MYO10: variants seen among roughly 807,000 people sequenced by gnomAD.
MYO10 encodes the protein unconventional myosin-X.
Under a neutral mutation model 257.3 loss-of-function variants are expected in MYO10, and 133 were observed. The ratio of observed to expected loss-of-function variants is 0.52; its 90% confidence interval spans 0.45 to 0.60. MYO10 has a LOEUF of 0.60. Among genes scored for constraint, MYO10 ranks in the 20% least tolerant of loss-of-function variants. The pLI is 0.00. For missense variants in MYO10, 2,399 were observed against 2,635.7 expected (o/e 0.91, Z 1.97); for synonymous variants, 1,104 against 1,028.6 (o/e 1.07, Z -1.40).
Position 16,703,050 on chromosome 5 carries a change from G to C in MYO10, c.2385C>G (p.Phe795Leu). Residue 795 changes from phenylalanine to leucine, a missense_variant, in exon 23 of 41, where the codon TTC becomes TTG. This residue lies in a region of MYO10 where 1,820 missense variants were observed against 1,939.4 expected (regional missense o/e 0.94). Coordinates refer to ENST00000513610, the MANE Select transcript of MYO10 (RefSeq NM_012334.3). ...CAATCTGACCTCTGAGTTGCTTCTG[G>C]AAAACTATGGCTGCCTTTTTCAGGT... Reference protein sequence around the residue: ...FLHLKKAAIVFQKQLRGQIAR... With the variant: ...FLHLKKAAIVLQKQLRGQIAR... The C allele has an allele frequency of 6.4e-7, 1 of 1,556,674 alleles. No individual in the cohort carries two copies. The highest frequency in any genetic ancestry group is 8.7e-7 in the Non-Finnish European group (1 of 1,148,952).
chr5:16,722,988 A>G (rs558954632), intron 19 of MYO10, among the ~76,000 whole-genome samples: 47 of 152,326 alleles, frequency 3.1e-4, no homozygotes, highest in African/African-American at 1.1e-3. Flanking sequence ...TGAAAATCCA[A>G]TTTTTAAAAT....
At chr5:16,893,252 G>A (rs1408335572) in intron 1 of MYO10, among the ~76,000 whole-genome samples, 7 of 145,754 alleles carry the variant, frequency 4.8e-5, no homozygotes, top group Admixed American at 7.1e-5. Context: ...ACAGAAAAGC[G>A]ATAAGGAGGC....
chr5:16,673,309 G>C (rs1736559737), intron 36 of MYO10, among the ~76,000 whole-genome samples: 2 of 151,506 alleles, frequency 1.3e-5, no homozygotes, highest in South Asian at 2.1e-4. Context: ...AAAAGAAAAT[G>C]TGTTCATCTG....
intron 1 of MYO10, among the ~76,000 whole-genome samples, chr5:16,925,981 T>G (rs1243210812): frequency 6.6e-5 from 10 of 152,020 alleles, no homozygotes; most frequent in Admixed American, 6.6e-4. Flanking sequence ...CTCAGTAGAG[T>G]GGCTATGGTT....
At chr5:16,883,321 C>T (rs1461075924) in intron 1 of MYO10, among the ~76,000 whole-genome samples, 3 of 152,156 alleles carry the variant, frequency 2.0e-5, no homozygotes, top group Admixed American at 6.5e-5. Context: ...TGTAACTGAG[C>T]AACAGAGGTG....
At chr5:16,806,393 T>C (rs1297661156) in intron 3 of MYO10, among the ~76,000 whole-genome samples, 1 of 151,710 alleles carries the variant, frequency 6.6e-6, no homozygotes, top group African/African-American at 2.4e-5. Flanking sequence ...ACACCTGTGA[T>C]CCCAGCACTT....
At chr5:16,928,282 C>T (rs911440711) in intron 1 of MYO10, among the ~76,000 whole-genome samples, 3 of 152,074 alleles carry the variant, frequency 2.0e-5, no homozygotes, top group Non-Finnish European at 2.9e-5. Flanking sequence ...GTAATCTTCA[C>T]CTCCCGGATT....
At chr5:16,923,382 G>A (rs1450706777) in intron 1 of MYO10, among the ~76,000 whole-genome samples, 1 of 151,714 alleles carries the variant, frequency 6.6e-6, no homozygotes, top group Non-Finnish European at 1.5e-5. Flanking sequence ...CGCCTCCTGG[G>A]TTCATGCCAT....
At chr5:16,925,109 G>T (rs1281647881) in intron 1 of MYO10, among the ~76,000 whole-genome samples, 2 of 152,142 alleles carry the variant, frequency 1.3e-5, no homozygotes, top group East Asian at 3.9e-4. Flanking sequence ...GGGATTACAG[G>T]CATGAGCCAC....
intron 3 of MYO10, chr5:16,814,619 C>G (rs1742548759): frequency 6.6e-6 from 1 of 152,112 alleles, no homozygotes; most frequent in Non-Finnish European, 1.5e-5. Flanking sequence ...GCTGTTCTGA[C>G]AGGTGGCGGT....
chr5:16,696,071 T>C (rs1222410155), intron 26 of MYO10, among the ~76,000 whole-genome samples: 1 of 152,256 alleles, frequency 6.6e-6, no homozygotes, highest in East Asian at 1.9e-4. Context: ...ATCTTGTTGT[T>C]GTTAAATGAT....
chr5:16,814,495 A>G (rs1183055059), intron 3 of MYO10: 1 of 152,168 alleles, frequency 6.6e-6, no homozygotes, highest in Admixed American at 6.5e-5. Flanking sequence ...GTTATCCAGC[A>G]AAAGAAAACT....
rs138106656 is a variant in MYO10 at position 16,792,110 on chromosome 5, T to TACACAC, written c.467+2530_467+2535dup. ...CCCTCCTGTTAGACACACACATACA[T>TACACAC]ACACACACACACACACACACACAGA... On this transcript the variant is annotated intron_variant, in intron 4 of 40. Coordinates refer to ENST00000513610, the MANE Select transcript of MYO10 (RefSeq NM_012334.3). Among the ~76,000 whole-genome samples the TACACAC allele has an allele frequency of 7.8e-4, 109 of 139,078 alleles. 1 individual carries two copies. The highest frequency in any genetic ancestry group is 7.1e-3 in the Middle Eastern group (2 of 282). 91.2% of individuals were successfully genotyped at this position (139,078 alleles called of 152,430 possible). A position where few individuals can be genotyped will look rare whatever the true frequency, so the allele number is the denominator to read the frequency against.
In MYO10 at chr5:16,781,588, C is replaced by T. The variant is rs759043774; in HGVS notation, c.727+117G>A. Reference sequence around the variant, plus strand: ...TAGAGCAATAACTAACTGTCTAATTCGTTAAAGAACCAGAGAAAGAAATGT... The same window carrying T: ...TAGAGCAATAACTAACTGTCTAATTTGTTAAAGAACCAGAGAAAGAAATGT... On this transcript the variant is annotated intron_variant, in intron 6 of 40. Transcript: ENST00000513610. The T allele has an allele frequency of 5.1e-5, 57 of 1,107,322 alleles. 1 individual carries two copies. Among genetic ancestry groups the T allele is most frequent in the Admixed American group, 4.1e-4 (16 of 39,062 alleles). The allele number at this position is 1,107,322 out of a possible 1,614,324, so 68.6% of individuals were successfully genotyped here.
At chr5:16,717,666 T>C (rs1738929498) in intron 19 of MYO10, among the ~76,000 whole-genome samples, 1 of 152,206 alleles carries the variant, frequency 6.6e-6, no homozygotes, top group South Asian at 2.1e-4. Flanking sequence ...CGGACAATCA[T>C]CAGCGGACCA....
At chr5:16,853,752 T>C (rs1262225501) in intron 2 of MYO10, among the ~76,000 whole-genome samples, 1 of 152,178 alleles carries the variant, frequency 6.6e-6, no homozygotes, top group African/African-American at 2.4e-5. Flanking sequence ...CCGTCCAGGA[T>C]GACATCCATT....
At chr5:16,824,348 T>C (rs1366232) in intron 2 of MYO10, among the ~76,000 whole-genome samples, 1 of 151,950 alleles carries the variant, frequency 6.6e-6, no homozygotes, top group Admixed American at 6.6e-5. Flanking sequence ...GGAAAGATTT[T>C]TGGTTGTTAG....
At position 16,672,874 on chromosome 5, in the gene MYO10, C is replaced by T. The variant is rs753055066; in HGVS notation, c.5173-49G>A. The T allele has an allele frequency of 3.8e-6, 6 of 1,586,380 alleles. No individual in the cohort carries two copies. In the African/African-American group the frequency reaches 4.0e-5, roughly 11 times the overall value. ...TCAGTTCCACAGGCTGCGGCCCCAA[C>T]ACGTGTTCCCAGAACGTGCCATCAC... On this transcript the variant is annotated intron_variant, in intron 36 of 40. Coordinates refer to ENST00000513610, the MANE Select transcript of MYO10 (RefSeq NM_012334.3).
chr5:16,851,884 G>A (rs2560860), intron 2 of MYO10, among the ~76,000 whole-genome samples: 12,212 of 151,212 alleles, frequency 0.081, 1,057 homozygotes, highest in African/African-American at 0.22. Context: ...AACCCTGTCC[G>A]TACTAAAAAT....
Sources: gnomAD v4.1 joint callset for allele counts (sites outside exome capture counted in the v4.1 genomes callset) on GRCh38, gnomAD v4.1.1 for gene constraint, gnomAD v4.1.1 regional missense constraint, MANE v1.5 for transcripts, NCBI Gene and HGNC (gene_info 2026-07-23, HGNC 2026-07-21) for gene names.